Variants in CASQ2 observed in about 807,000 individuals in gnomAD.
CASQ2 encodes calsequestrin 2, also known as calsequestrin-2.
A neutral mutation model predicts 46.5 loss-of-function variants in CASQ2; 49 were observed. The ratio of observed to expected loss-of-function variants is 1.05; its 90% confidence interval spans 0.84 to 1.34. CASQ2 has a LOEUF of 1.34. Among genes scored for constraint, CASQ2 ranks in the 40% most tolerant of loss-of-function variants. CASQ2 has a pLI of 0.00. For missense variants in CASQ2, 486 were observed against 481.3 expected, an observed-to-expected ratio of 1.01 and a Z score of -0.09; for synonymous variants, 174 against 168.5, an observed-to-expected ratio of 1.03 and a Z score of -0.25.
intron 1 of CASQ2, among the ~76,000 whole-genome samples, chr1:115,758,171 G>A (rs939768415): frequency 1.3e-5 from 2 of 152,190 alleles, no homozygotes; most frequent in African/African-American, 2.4e-5. Context: ...AAACAAATAG[G>A]TTTGGGTTCA....
Position 115,743,696 on chromosome 1 carries a change from T to C in CASQ2, c.319+1132A>G, listed in dbSNP as rs549435786. On this transcript the variant is annotated intron_variant, in intron 2 of 10. Coordinates refer to ENST00000261448, the MANE Select transcript of CASQ2 (RefSeq NM_001232.4). ...CACTGAGCCACCACTAATCTTTTTT[T>C]TTTTTTTTCTGTACTTACTACTCCA... 2.6e-5 allele frequency among the ~76,000 whole-genome samples: 4 copies of C among 152,132 alleles called. No homozygotes were observed. In the East Asian group the frequency reaches 5.8e-4, roughly 22 times the overall value.
At chr1:115,730,511 GAATT>G (rs560217897) in intron 5 of CASQ2, among the ~76,000 whole-genome samples, 31 of 152,240 alleles carry the variant, frequency 2.0e-4, no homozygotes, top group East Asian at 1.2e-3. Flanking sequence ...GTGAATGACT[GAATT>G]AATTAATTAA....
chr1:115,759,479 T>A (rs556775624), intron 1 of CASQ2, among the ~76,000 whole-genome samples: 1 of 152,286 alleles, frequency 6.6e-6, no homozygotes, highest in East Asian at 1.9e-4. Flanking sequence ...CTTTCTGCCA[T>A]GAGTTGAAGC....
intron 2 of CASQ2, among the ~76,000 whole-genome samples, chr1:115,741,271 T>C (rs546890407): frequency 1.3e-5 from 2 of 152,350 alleles, no homozygotes; most frequent in South Asian, 2.1e-4. Flanking sequence ...TTGTCCCCTG[T>C]GGGACTCCCT....
intron 1 of CASQ2, among the ~76,000 whole-genome samples, chr1:115,749,291 A>C (rs1259946919): frequency 6.6e-6 from 1 of 152,228 alleles, no homozygotes; most frequent in East Asian, 1.9e-4. Context: ...AGGTAGATCC[A>C]AATGTGTGCC....
At chr1:115,703,719 T>C (rs1654278176) in intron 9 of CASQ2, among the ~76,000 whole-genome samples, 1 of 152,100 alleles carries the variant, frequency 6.6e-6, no homozygotes, top group Admixed American at 6.6e-5. Context: ...GAAACCAGCC[T>C]GAGCAACATA....
chr1:115,726,947 TCCCCAG>T, intron 6 of CASQ2, 39 bp downstream of exon 6: 1 of 1,036,542 alleles, frequency 9.6e-7, no homozygotes. Flanking sequence ...TCCTCTCCAT[TCCCCAG>T]ACCCCAGGCC....
chr1:115,705,425 T>C, intron 8 of CASQ2, 133 bp from the exon 9 acceptor site: 2 of 707,666 alleles, frequency 2.8e-6, no homozygotes, highest in East Asian at 2.7e-5. Context: ...GATTATTCTA[T>C]AGAATGAGTC....
chr1:115,763,128 G>T (rs1296340827), intron 1 of CASQ2, among the ~76,000 whole-genome samples: 1 of 152,128 alleles, frequency 6.6e-6, no homozygotes, highest in African/African-American at 2.4e-5. Context: ...TTTAATTCAG[G>T]TTGTTTTCAT....
intron 4 of CASQ2, among the ~76,000 whole-genome samples, chr1:115,734,665 C>A (rs537695169): frequency 9.6e-4 from 146 of 152,294 alleles, no homozygotes; most frequent in South Asian, 1.9e-3. Context: ...TTTGATGACT[C>A]TTTTGGCTTC....
intron 1 of CASQ2, among the ~76,000 whole-genome samples, chr1:115,762,079 G>A (rs1007044730): frequency 6.6e-6 from 1 of 152,226 alleles, no homozygotes; most frequent in Non-Finnish European, 1.5e-5. Flanking sequence ...ACACCGGGCA[G>A]CAGCCTTAGA....
intron 1 of CASQ2, 87 bp from the exon 2 acceptor site, chr1:115,744,999 G>T: frequency 1.0e-6 from 1 of 968,304 alleles, no homozygotes; most frequent in Non-Finnish European, 1.7e-6. Flanking sequence ...TGTATCAATG[G>T]AAGGGTTTCC....
At chr1:115,705,930 G>C (rs927359135) in intron 8 of CASQ2, among the ~76,000 whole-genome samples, 27 of 150,790 alleles carry the variant, frequency 1.8e-4, no homozygotes, top group African/African-American at 6.1e-4. Flanking sequence ...AGCTTTATAA[G>C]CTTCAAGAAC....
At chr1:115,753,083 G>A (rs545526697) in intron 1 of CASQ2, among the ~76,000 whole-genome samples, 1 of 152,318 alleles carries the variant, frequency 6.6e-6, no homozygotes, top group African/African-American at 2.4e-5. Context: ...ATGGCAGGAG[G>A]GCATGACAGA....
chr1:115,762,009 A>G (rs1438947516), intron 1 of CASQ2, among the ~76,000 whole-genome samples: 1 of 152,210 alleles, frequency 6.6e-6, no homozygotes, highest in Non-Finnish European at 1.5e-5. Flanking sequence ...AACAGCCTCT[A>G]TTGGTGAGCT....
Position 115,758,786 on chromosome 1 carries a change from C to T in CASQ2, c.234+9522G>A, listed in dbSNP as rs568318567. ...CACATCAGCTCCTTTTCACCTTCTG[C>T]CATGAGTGGAAGCAGCCTGTGGCCC... On this transcript the variant is annotated intron_variant, in intron 1 of 10. Coordinates refer to ENST00000261448, the MANE Select transcript of CASQ2 (RefSeq NM_001232.4). 2.1e-3 allele frequency among the ~76,000 whole-genome samples: 314 copies of T among 152,334 alleles called. 1 individual carries two copies. Among genetic ancestry groups the T allele is most frequent in the Middle Eastern group, 0.01 (3 of 294 alleles).
chr1:115,732,783 G>A (rs1557794847), intron 5 of CASQ2, 118 bp downstream of exon 5: 2 of 765,080 alleles, frequency 2.6e-6, no homozygotes, highest in Admixed American at 3.7e-5. Context: ...CCCTTCTAGA[G>A]AAAGAGGCAA....
intron 1 of CASQ2, among the ~76,000 whole-genome samples, chr1:115,761,494 A>G (rs1485235186): frequency 7.1e-5 from 3 of 42,212 alleles, no homozygotes; most frequent in African/African-American, 3.0e-4. Context: ...GAAGGAGAAG[A>G]AGGAGAAGAA....
chr1:115,723,533 A>C lies in CASQ2; in HGVS notation c.783+1975T>G, dbSNP rs1376978212. Among the ~76,000 whole-genome samples the C allele has an allele frequency of 3.3e-5, 5 of 152,128 alleles. No homozygotes were observed. The East Asian group carries it at 9.6e-4, about 29-fold the overall frequency. ...TTTTGCTATTACTATTTTAAAATACATTAATAAGACTCTTTTTTTTTTGAG... is the reference window on the plus strand; with the variant it reads ...TTTTGCTATTACTATTTTAAAATACCTTAATAAGACTCTTTTTTTTTTGAG... On this transcript the variant is annotated intron_variant, in intron 7 of 10. Coordinates refer to ENST00000261448, the MANE Select transcript of CASQ2 (RefSeq NM_001232.4).
Sources: allele counts gnomAD v4.1 joint callset (sites outside exome capture counted in the v4.1 genomes callset), GRCh38; gene constraint gnomAD v4.1.1; transcripts MANE v1.5; gene names NCBI Gene and HGNC (gene_info 2026-07-23, HGNC 2026-07-21).